QTGAL: variants seen among roughly 807,000 people sequenced by gnomAD.
QTGAL encodes the protein queuosine-tRNA galactosyltransferase.
At chr17:83,051,747 T>C in the QTGAL span, 6 of 1,497,320 alleles carry the variant, frequency 4.0e-6, no homozygotes, top group East Asian at 2.8e-5. Context: ...CACGTGGGCC[T>C]GCATGGCCTG....
At chr17:83,004,986 G>A in the QTGAL span, 1 of 672,936 alleles carries the variant, frequency 1.5e-6, no homozygotes, top group South Asian at 2.2e-5. Flanking sequence ...GATGGCATGT[G>A]AGTGAAGGCG....
At chr17:82,957,662 C>G in the QTGAL span, among the ~76,000 whole-genome samples, 1 of 152,196 alleles carries the variant, frequency 6.6e-6, no homozygotes, top group African/African-American at 2.4e-5. Flanking sequence ...CCTGCCCCAG[C>G]TGGACGTAGC....
At chr17:83,043,771 G>C in the QTGAL span, among the ~76,000 whole-genome samples, 9 of 152,110 alleles carry the variant, frequency 5.9e-5, no homozygotes, top group Non-Finnish European at 7.4e-5. Flanking sequence ...GACTGAGAAA[G>C]AAGGAAAGAC....
At chr17:82,980,432 AC>A in the QTGAL span, among the ~76,000 whole-genome samples, 6 of 151,858 alleles carry the variant, frequency 4.0e-5, no homozygotes, top group African/African-American at 9.7e-5. Context: ...ACAGCCTCAG[AC>A]CCCCCCAGGT....
chr17:82,970,941 C>T, the QTGAL span, among the ~76,000 whole-genome samples: 22 of 152,118 alleles, frequency 1.4e-4, no homozygotes, highest in Admixed American at 2.6e-4. Flanking sequence ...CAGTGGTGTA[C>T]GCAGAGAGCA....
chr17:83,048,813 G>C, the QTGAL span: 1 of 1,586,020 alleles, frequency 6.3e-7, no homozygotes, highest in Non-Finnish European at 8.7e-7. Flanking sequence ...TGGATTAACA[G>C]AAGTGTGAAA....
chr17:82,997,914 T>A, the QTGAL span, among the ~76,000 whole-genome samples: 2 of 111,002 alleles, frequency 1.8e-5, no homozygotes, highest in Non-Finnish European at 3.5e-5. Flanking sequence ...GGAAGGTTAA[T>A]GGGTTTAAAA....
chr17:82,979,971 G>C, the QTGAL span, among the ~76,000 whole-genome samples: 1 of 152,184 alleles, frequency 6.6e-6, no homozygotes, highest in South Asian at 2.1e-4. Context: ...GCAACCAGTG[G>C]AAGAAGGATT....
the QTGAL span, among the ~76,000 whole-genome samples, chr17:82,983,228 C>T: frequency 4.6e-5 from 7 of 152,120 alleles, no homozygotes; most frequent in South Asian, 1.0e-3. Context: ...TGCAGTGAGC[C>T]GAGATCACGC....
the QTGAL span, among the ~76,000 whole-genome samples, chr17:83,019,328 C>G: frequency 6.6e-6 from 1 of 152,184 alleles, no homozygotes; most frequent in African/African-American, 2.4e-5. Context: ...TAAGTAAAAA[C>G]AGACAAAATA....
At chr17:82,947,916 G>C in the QTGAL span, 1 of 152,248 alleles carries the variant, frequency 6.6e-6, no homozygotes, top group Non-Finnish European at 1.5e-5. Flanking sequence ...CTGAGTTCAG[G>C]GACCAGGCCA....
At chr17:82,957,436 C>T in the QTGAL span, 1 of 1,612,030 alleles carries the variant, frequency 6.2e-7, no homozygotes, top group Non-Finnish European at 8.5e-7. Context: ...GTGAAGGCCG[C>T]CCAGCGGGGC....
At chr17:82,987,657 T>C in the QTGAL span, among the ~76,000 whole-genome samples, 2 of 152,356 alleles carry the variant, frequency 1.3e-5, no homozygotes, top group Non-Finnish European at 2.9e-5. Context: ...AGTACCATGC[T>C]GTTTTGGTTA....
At chr17:83,001,046 C>T in the QTGAL span, among the ~76,000 whole-genome samples, 2 of 152,310 alleles carry the variant, frequency 1.3e-5, no homozygotes, top group South Asian at 2.1e-4. Context: ...GGTACAGACA[C>T]ATGTCAAAAC....
chr17:82,968,306 G>A, the QTGAL span, among the ~76,000 whole-genome samples: 2 of 152,080 alleles, frequency 1.3e-5, no homozygotes, highest in South Asian at 2.1e-4. Context: ...TGTGGTGCCC[G>A]TACCACGAGT....
chr17:82,972,960 T>C, the QTGAL span, among the ~76,000 whole-genome samples: 1 of 151,806 alleles, frequency 6.6e-6, no homozygotes, highest in African/African-American at 2.4e-5. Context: ...CCTGGGGCTG[T>C]GAGCGGAAGG....
chr17:83,018,601 G>T, the QTGAL span, among the ~76,000 whole-genome samples: 1 of 152,206 alleles, frequency 6.6e-6, no homozygotes, highest in Admixed American at 6.5e-5. Context: ...TTACATGTCA[G>T]GGTTAAAATT....
the QTGAL span, among the ~76,000 whole-genome samples, chr17:82,989,209 G>A: frequency 2.6e-5 from 4 of 152,098 alleles, no homozygotes; most frequent in African/African-American, 9.7e-5. Context: ...CATAGATGGA[G>A]GTGGAAGCCA....
At chr17:82,960,975 C>G in the QTGAL span, 1 of 1,505,466 alleles carries the variant, frequency 6.6e-7, no homozygotes, top group African/African-American at 1.4e-5. Flanking sequence ...GGGGTCGGCC[C>G]CACCAACCCC....
Sources: gnomAD v4.1 joint callset for allele counts (sites outside exome capture counted in the v4.1 genomes callset) on GRCh38, gnomAD v4.1.1 for gene constraint, MANE v1.5 for transcripts, NCBI Gene and HGNC (gene_info 2026-07-23, HGNC 2026-07-21) for gene names.